The following USO1 variants were observed in gnomAD, a reference collection of about 807,000 sequenced individuals.
The protein encoded by USO1 is general vesicular transport factor p115.
A neutral mutation model predicts 124.5 loss-of-function variants in USO1; 57 were observed. That is an observed-to-expected ratio of 0.46 (90% CI 0.37 to 0.57). The LOEUF (loss-of-function observed/expected upper bound fraction) is 0.57, where lower values mean the gene tolerates loss of function less well. Ranked by LOEUF, USO1 falls within the 20% of genes least tolerant of loss-of-function variation. The probability of loss-of-function intolerance (pLI) is 0.00; values close to 1 mark genes in which losing one functional copy is unlikely to be tolerated. For missense variants in USO1, 900 were observed against 1,040.6 expected, an observed-to-expected ratio of 0.86 and a Z score of 1.86; for synonymous variants, 369 against 362.8, an observed-to-expected ratio of 1.02 and a Z score of -0.19.
At chr4:75,802,728 TTTC>T (rs1294597842) in intron 17 of USO1, among the ~76,000 whole-genome samples, 6 of 145,882 alleles carry the variant, frequency 4.1e-5, no homozygotes, top group Non-Finnish European at 4.5e-5. Context: ...CATTTTTCTT[TTTC>T]TTTTCTTTTT....
At chr4:75,808,249 C>G (rs962941756) in intron 20 of USO1, among the ~76,000 whole-genome samples, 5 of 152,088 alleles carry the variant, frequency 3.3e-5, no homozygotes, top group Non-Finnish European at 7.4e-5. Flanking sequence ...AATTAATACC[C>G]TGGTTTTCAT....
chr4:75,748,140 G>A (rs905576796), intron 1 of USO1, among the ~76,000 whole-genome samples: 27 of 151,568 alleles, frequency 1.8e-4, no homozygotes, highest in Non-Finnish European at 3.4e-4. Context: ...CTGACCTCAG[G>A]TGATCCGCCC....
At chr4:75,795,463 C>T (rs923514042) in intron 13 of USO1, 1 of 672,410 alleles carries the variant, frequency 1.5e-6, no homozygotes, top group African/African-American at 1.8e-5. Context: ...TTTGAAGTTA[C>T]ATTCTACTCA....
chr4:75,808,629 C>CT (rs1723057358), intron 20 of USO1, among the ~76,000 whole-genome samples: 1 of 151,908 alleles, frequency 6.6e-6, no homozygotes, highest in Admixed American at 6.6e-5. Flanking sequence ...CAAAATTCCC[C>CT]AATTATATTG....
intron 4 of USO1, among the ~76,000 whole-genome samples, chr4:75,764,477 T>C (rs1409581417): frequency 6.6e-6 from 1 of 152,222 alleles, no homozygotes; most frequent in East Asian, 1.9e-4. Flanking sequence ...TTCTGCCATG[T>C]ACCTATTAAC....
intron 8 of USO1, among the ~76,000 whole-genome samples, chr4:75,777,218 T>A (rs1371889616): frequency 1.3e-5 from 2 of 152,194 alleles, no homozygotes; most frequent in African/African-American, 4.8e-5. Flanking sequence ...TCACACATAT[T>A]TTGGTAGTTT....
intron 1 of USO1, among the ~76,000 whole-genome samples, chr4:75,751,946 T>C (rs1411034688): frequency 6.6e-6 from 1 of 152,206 alleles, no homozygotes; most frequent in Non-Finnish European, 1.5e-5. Flanking sequence ...GACTTCTTCT[T>C]GTTCAGATAT....
In USO1 at chr4:75,800,233, A is replaced by T. The variant is rs1722806039; in HGVS notation, c.1564-118A>T. The T allele has an allele frequency of 3.2e-6, 4 of 1,250,046 alleles. No individual in the cohort carries two copies. The African/African-American group carries it at 6.1e-5, about 19-fold the overall frequency. The allele number at this position is 1,250,046 out of a possible 1,614,324, so 77.4% of individuals were successfully genotyped here. ...ATTACAGGCATGAGCCACCACACCTAGCCTATATATGGAATTTCTTATGGG... is the reference window on the plus strand; with the variant it reads ...ATTACAGGCATGAGCCACCACACCTTGCCTATATATGGAATTTCTTATGGG... On this transcript the variant is annotated intron_variant, in intron 14 of 23. Transcript: ENST00000514213.
intron 8 of USO1, among the ~76,000 whole-genome samples, chr4:75,777,299 A>G (rs1281369696): frequency 6.6e-6 from 1 of 152,156 alleles, no homozygotes; most frequent in Non-Finnish European, 1.5e-5. Flanking sequence ...TGATTCTTAG[A>G]TGCAATACCA....
At position 75,808,571 on chromosome 4, in the gene USO1, C is replaced by A. The variant is rs376238849; in HGVS notation, c.2377-382C>A. On this transcript the variant is annotated intron_variant, in intron 20 of 23. Transcript: ENST00000514213. ...CTTTCTCAGTGGTCATCCTAGCTTTCAGCTTTCTCAGGTGTGCTGATTTAG... is the reference window on the plus strand; with the variant it reads ...CTTTCTCAGTGGTCATCCTAGCTTTAAGCTTTCTCAGGTGTGCTGATTTAG... Among the ~76,000 whole-genome samples, 20 of 152,232 alleles carry A rather than the reference C, an allele frequency of 1.3e-4. No individual in the cohort carries two copies. The East Asian group carries it at 3.9e-3, about 29-fold the overall frequency.
At chr4:75,726,804 CTTT>C in intron 1 of USO1, among the ~76,000 whole-genome samples, 1 of 152,288 alleles carries the variant, frequency 6.6e-6, no homozygotes, top group East Asian at 1.9e-4. Flanking sequence ...CAGCCCACCA[CTTT>C]TTTGTCTGAT....
intron 1 of USO1, among the ~76,000 whole-genome samples, chr4:75,752,119 T>G (rs1721311292): frequency 1.3e-5 from 2 of 152,234 alleles, no homozygotes; most frequent in Non-Finnish European, 2.9e-5. Flanking sequence ...CAATTATTTC[T>G]TTTAATTCCT....
chr4:75,728,877 C>CA (rs775784099), intron 1 of USO1, among the ~76,000 whole-genome samples: 17 of 152,104 alleles, frequency 1.1e-4, no homozygotes, highest in Admixed American at 2.0e-4. Flanking sequence ...TGGCTCACTG[C>CA]AAGCTCCCCC....
chr4:75,738,761 G>A (rs1311722233), intron 1 of USO1, among the ~76,000 whole-genome samples: 1 of 152,132 alleles, frequency 6.6e-6, no homozygotes, highest in Non-Finnish European at 1.5e-5. Context: ...GATTACAGGT[G>A]AGAGTCACTG....
At position 75,793,704 on chromosome 4, in the gene USO1, G is replaced by C. The variant is rs1722596436; in HGVS notation, c.1255G>C (p.Val419Leu). The change falls in exon 13 of 24, where the codon GTT becomes CTT. Residue 419 changes from valine to leucine, a missense_variant. By Grantham distance (32) the Val-to-Leu change is conservative. Around this residue, in one of 2 missense-constraint regions of USO1, gnomAD observed 538 missense variants for 681.6 expected, o/e 0.79. Coordinates refer to ENST00000514213, the MANE Select transcript of USO1 (RefSeq NM_003715.4). Reference protein sequence around the residue: ...PSTIDATGNSVSAGQLLCGGL... With the variant: ...PSTIDATGNSLSAGQLLCGGL... ...CATCTTTGTAGCAACAGGTAATTCA[G>C]TTTCAGCTGGCCAGTTATTATGTGG... 1 of 1,608,132 alleles carries C rather than the reference G, an allele frequency of 6.2e-7. No homozygotes were observed. The highest frequency in any genetic ancestry group is 1.1e-5 in the South Asian group (1 of 90,372).
chr4:75,774,249 T>G (rs1363658234), intron 7 of USO1, among the ~76,000 whole-genome samples: 2 of 152,236 alleles, frequency 1.3e-5, no homozygotes, highest in Non-Finnish European at 2.9e-5. Flanking sequence ...CTTTCTCTAC[T>G]AGACTGTGGT....
intron 11 of USO1, 97 bp downstream of exon 11, chr4:75,790,335 T>C: frequency 1.4e-6 from 2 of 1,426,438 alleles, no homozygotes; most frequent in Non-Finnish European, 9.3e-7. Context: ...TAAAGAAGTT[T>C]AGTTGTATGT....
intron 8 of USO1, among the ~76,000 whole-genome samples, chr4:75,780,129 CAT>C (rs1722176957): frequency 6.6e-6 from 1 of 152,184 alleles, no homozygotes; most frequent in Non-Finnish European, 1.5e-5. Context: ...ACTGAACACA[CAT>C]CTCTTACACT....
rs1326509342 is a variant in USO1, at chr4:75,805,209, T to G, written c.2195T>G (p.Ile732Ser). Residue 732 changes from isoleucine to serine, a missense_variant, in exon 19 of 24, where the codon ATT becomes AGT. Coordinates refer to ENST00000514213, the MANE Select transcript of USO1 (RefSeq NM_003715.4). ...ATGAATGGCATTCAGCCAGAAGAAATTGGTAGATTGCGAGAAGAGATAGAA... is the reference window on the plus strand; with the variant it reads ...ATGAATGGCATTCAGCCAGAAGAAAGTGGTAGATTGCGAGAAGAGATAGAA... ...AQMNGIQPEE[I>S]GRLREEIEEL... is the part of the protein sequence containing the mutation. 6.2e-7 allele frequency: 1 copy of G among 1,613,186 alleles called. No homozygotes were observed. Among genetic ancestry groups the G allele is most frequent in the South Asian group, 1.1e-5 (1 of 90,922 alleles).
Sources: allele counts gnomAD v4.1 joint callset (sites outside exome capture counted in the v4.1 genomes callset), GRCh38; gene constraint gnomAD v4.1.1; regional missense constraint gnomAD v4.1.1; transcripts MANE v1.5; gene names NCBI Gene and HGNC (gene_info 2026-07-23, HGNC 2026-07-21).